Variants in DACT1 observed in about 807,000 individuals in gnomAD.
DACT1 encodes dishevelled binding antagonist of beta catenin 1.
DACT1 carries 19 observed loss-of-function variants against 35.3 expected under a neutral mutation model. The observed-to-expected ratio is 0.54, with a 90% CI of 0.38 to 0.79. The LOEUF (loss-of-function observed/expected upper bound fraction) is 0.79, where lower values mean the gene tolerates loss of function less well. Ranked by LOEUF, DACT1 falls within the 30% of genes least tolerant of loss-of-function variation. DACT1 has a pLI of 0.00. For synonymous variants in DACT1, 545 were observed against 466.7 expected (o/e 1.17, Z -2.16); for missense variants, 1,143 against 1,057.5 (o/e 1.08, Z -1.12).
At chr14:58,634,803 G>T (rs910691988), upstream of DACT1, among the ~76,000 whole-genome samples, 1 of 152,208 alleles carries the variant, frequency 6.6e-6, no homozygotes, top group Admixed American at 6.5e-5. Flanking sequence ...TCAGACTTTG[G>T]TGGGGGTGCT....
chr14:58,641,124 G>C (rs137882790), intron 2 of DACT1, among the ~76,000 whole-genome samples: 1 of 152,114 alleles, frequency 6.6e-6, no homozygotes, highest in East Asian at 1.9e-4. Context: ...ATTTCTGCAA[G>C]AGGTGCCCTC....
rs145747677 is a variant in DACT1 at position 58,645,751 on chromosome 14, T to C, written c.1017T>C (p.Val339=). The C allele has an allele frequency of 1.3e-4, 216 of 1,614,210 alleles. 1 individual carries two copies. The African/African-American group carries it at 2.6e-3, about 19-fold the overall frequency. ...AAGGGCTTCTGAGGAACGGGAGCGT[T>C]TGTGTCAGAGCCCCGGGCGGTGTCT... The part of the protein sequence containing the change: ...PTKGLLRNGS[V]CVRAPGGVSQ... Residue 339 remains valine (V), a synonymous_variant, in exon 4 of 4, where the codon GTT becomes GTC. Transcript: ENST00000395153.
rs778460376 is a variant in DACT1 at position 58,647,061 on chromosome 14, A to C, written c.2327A>C (p.Lys776Thr). 3.7e-6 allele frequency: 6 copies of C among 1,614,138 alleles called. No homozygotes were observed. The East Asian group carries it at 1.3e-4, about 36-fold the overall frequency. The change falls in exon 4 of 4, where the codon AAG becomes ACG. Residue 776 changes from lysine to threonine, a missense_variant. By Grantham distance (78) the Lys-to-Thr change is moderately conservative. Coordinates refer to ENST00000395153, the MANE Select transcript of DACT1 (RefSeq NM_001079520.2). ...CCCGCAAAAACCTTTGTCAAAATTA[A>C]GGCCTCACATAACCTCAAGAAGAAG... ...NHPAKTFVKI[K>T]ASHNLKKKIL...
In DACT1 at chr14:58,638,559, C is replaced by A; in HGVS notation, c.345+12C>A. 1 of 1,333,154 alleles carries A rather than the reference C, an allele frequency of 7.5e-7. No homozygotes were observed. The highest frequency in any genetic ancestry group is 9.7e-7 in the Non-Finnish European group (1 of 1,034,828). The allele number at this position is 1,333,154 out of a possible 1,614,324, so 82.6% of individuals were successfully genotyped here. A position where few individuals can be genotyped will look rare whatever the true frequency, so the allele number is the denominator to read the frequency against. On this transcript the variant is annotated intron_variant, in intron 1 of 3. Coordinates refer to ENST00000395153, the MANE Select transcript of DACT1 (RefSeq NM_001079520.2). ...TAAGAAAGCAATTGGTAGGTCGTGC[C>A]CGAAGGTGGAGCACGGCTGTTCCTG...
At position 58,647,165 on chromosome 14, in the gene DACT1, T is replaced by TG. The variant is rs780394867; in HGVS notation, c.*31_*32insG. On this transcript the variant is annotated 3_prime_UTR_variant, in exon 4 of 4. Transcript: ENST00000395153. ...ATCATTGGTGTAGAAAGTTTGTGTG[T>TG]TTTTTTTTCTTCTCCCTAGTTGCCA... The TG allele has an allele frequency of 1.1e-5, 17 of 1,584,244 alleles. No individual in the cohort carries two copies. Among genetic ancestry groups the TG allele is most frequent in the Middle Eastern group, 1.7e-4 (1 of 5,896 alleles).
At position 58,646,596 on chromosome 14, in the gene DACT1, A is replaced by C. The variant is rs199878465; in HGVS notation, c.1862A>C (p.His621Pro). 1 of 1,592,062 alleles carries C rather than the reference A, an allele frequency of 6.3e-7. No individual in the cohort carries two copies. The highest frequency in any genetic ancestry group is 1.1e-5 in the South Asian group (1 of 88,628). Residue 621 changes from histidine (H) to proline (P), a missense_variant, in exon 4 of 4, where the codon CAT becomes CCT. Coordinates refer to ENST00000395153, the MANE Select transcript of DACT1 (RefSeq NM_001079520.2). ...GGCCACAGGGCGGGGAGCAGGGCGCATGGCCACGGACGGGAGGCGGTGGTG... is the reference window on the plus strand; with the variant it reads ...GGCCACAGGGCGGGGAGCAGGGCGCCTGGCCACGGACGGGAGGCGGTGGTG... ...GGGHRAGSRA[H>P]GHGREAVVAK...
In DACT1 at chr14:58,648,164, A is replaced by G. The variant is rs919324222; in HGVS notation, c.*1030A>G. The G allele has an allele frequency of 1.8e-5, 3 of 167,052 alleles. No homozygotes were observed. Among genetic ancestry groups the G allele is most frequent in the African/African-American group, 7.2e-5 (3 of 41,428 alleles). The allele number at this position is 167,052 out of a possible 1,614,324, so 10.3% of individuals were successfully genotyped here. A position where few individuals can be genotyped will look rare whatever the true frequency, so the allele number is the denominator to read the frequency against. On this transcript the variant is annotated 3_prime_UTR_variant, in exon 4 of 4. Coordinates refer to ENST00000395153, the MANE Select transcript of DACT1 (RefSeq NM_001079520.2). ...TTGTGCATGAGTAGTACTTGTGTTG[A>G]TACTCCTGTTGATGTTAAATTACTA...
intron 2 of DACT1, 73 bp from the exon 3 acceptor site, chr14:58,641,519 C>A: frequency 6.8e-7 from 1 of 1,481,478 alleles, no homozygotes; most frequent in Non-Finnish European, 9.2e-7. Context: ...AATGATTATT[C>A]ATTTTCCTGT....
chr14:58,638,356 C>G lies in DACT1; in HGVS notation c.154C>G (p.Leu52Val), dbSNP rs2047593809. The change falls in exon 1 of 4, where the codon CTG (leucine) becomes GTG (valine). Residue 52 changes from leucine to valine, a missense_variant. Coordinates refer to ENST00000395153, the MANE Select transcript of DACT1 (RefSeq NM_001079520.2). ...QRTRERQEATLAGLAELEYLR... is the reference protein window; with the variant it reads ...QRTRERQEATVAGLAELEYLR... The stretch of plus-strand genomic sequence containing the variant: ...CACCCGGGAGCGGCAGGAGGCCACG[C>G]TGGCCGGGCTGGCGGAGCTGGAGTA... 5 of 1,306,014 alleles carry G rather than the reference C, an allele frequency of 3.8e-6. No individual in the cohort carries two copies. The highest frequency in any genetic ancestry group is 4.8e-6 in the Non-Finnish European group (5 of 1,031,772). 80.9% of individuals were successfully genotyped at this position (1,306,014 alleles called of 1,614,324 possible).
intron 3 of DACT1, 89 bp downstream of exon 3, chr14:58,641,836 T>G: frequency 7.6e-7 from 1 of 1,310,594 alleles, no homozygotes; most frequent in South Asian, 1.4e-5. Context: ...CTTTCACTGG[T>G]GGAAAAATGA....
chr14:58,648,015 A>T lies in DACT1; in HGVS notation c.*881A>T, dbSNP rs1444006558. 6.0e-6 allele frequency: 1 copy of T among 167,094 alleles called. No individual in the cohort carries two copies. The highest frequency in any genetic ancestry group is 1.5e-5 in the Non-Finnish European group (1 of 68,124). The allele number at this position is 167,094 out of a possible 1,614,324, so 10.4% of individuals were successfully genotyped here. ...ATGCCACCGAAGCGTTGACCTGAAC[A>T]TATTAGTGCAATCCAGTCCAGATTG... is the stretch of plus-strand genomic sequence containing the variant. On this transcript the variant is annotated 3_prime_UTR_variant, in exon 4 of 4. Transcript: ENST00000395153.
At position 58,646,830 on chromosome 14, in the gene DACT1, C is replaced by G. The variant is rs780053919; in HGVS notation, c.2096C>G (p.Ser699Cys). 2.5e-6 allele frequency: 4 copies of G among 1,614,070 alleles called. No homozygotes were observed. The Admixed American group carries it at 6.7e-5, about 27-fold the overall frequency. Reference sequence around the variant, plus strand: ...GCCGAGTGCGAGTCCCTGTTCCACTCCACCGTGGTGGACACCAGTGAGGAC... The same window carrying G: ...GCCGAGTGCGAGTCCCTGTTCCACTGCACCGTGGTGGACACCAGTGAGGAC... ...YSAECESLFH[S>C]TVVDTSEDEQ... Residue 699 changes from serine (S) to cysteine (C), a missense_variant, in exon 4 of 4, where the codon TCC becomes TGC. This residue lies in a region of DACT1 where 1,054 missense variants were observed against 958.8 expected (regional missense o/e 1.10). Transcript: ENST00000395153.
At position 58,646,513 on chromosome 14, in the gene DACT1, G is replaced by T. The variant is rs201251394; in HGVS notation, c.1779G>T (p.Lys593Asn). 1,219 of 1,560,354 alleles carry T rather than the reference G, an allele frequency of 7.8e-4. 3 individuals are homozygous for T. The highest frequency in any genetic ancestry group is 1.5e-3 in the Middle Eastern group (9 of 5,940). ...AGAAACTCAAGAAAGCCTCCTCCAAGGGGAGGAAGAGTGGGGGCGGGCCCG... is the reference window on the plus strand; with the variant it reads ...AGAAACTCAAGAAAGCCTCCTCCAATGGGAGGAAGAGTGGGGGCGGGCCCG... ...TNKKLKKASS[K>N]GRKSGGGPEA... Residue 593 changes from lysine to asparagine, a missense_variant, in exon 4 of 4, where the codon AAG becomes AAT. Around this residue, in one of 3 missense-constraint regions of DACT1, gnomAD observed 1,054 missense variants for 958.8 expected, o/e 1.10. Transcript: ENST00000395153.
At chr14:58,641,939 G>C (rs986283767) in intron 3 of DACT1, among the ~76,000 whole-genome samples, 192 bp downstream of exon 3, 1 of 152,074 alleles carries the variant, frequency 6.6e-6, no homozygotes, top group Non-Finnish European at 1.5e-5. Flanking sequence ...GTACCCTTTG[G>C]GTGCTACTTG....
Position 58,646,727 on chromosome 14 carries a change from GTGGGGC to G in DACT1, c.1996_2001del (p.Gly666_Leu667del). 6.2e-7 allele frequency: 1 copy of G among 1,613,688 alleles called. No homozygotes were observed. Among genetic ancestry groups the G allele is most frequent in the Non-Finnish European group, 8.5e-7 (1 of 1,179,998 alleles). ...GGCCCGGCGCGGTCGCCGGGAGAATGTGGGGCTGTACCCCGCGCCTGTGCCTCTGCC... is the reference window on the plus strand; with the variant it reads ...GGCCCGGCGCGGTCGCCGGGAGAATGTGTACCCCGCGCCTGTGCCTCTGCC... On this transcript the variant is annotated inframe_deletion, in exon 4 of 4. Coordinates refer to ENST00000395153, the MANE Select transcript of DACT1 (RefSeq NM_001079520.2).
At position 58,638,328 on chromosome 14, in the gene DACT1, G is replaced by A; in HGVS notation, c.126G>A (p.Gln42=). The A allele has an allele frequency of 2.3e-6, 3 of 1,319,390 alleles. No homozygotes were observed. Among genetic ancestry groups the A allele is most frequent in the Non-Finnish European group, 2.9e-6 (3 of 1,039,974 alleles). 81.7% of individuals were successfully genotyped at this position (1,319,390 alleles called of 1,614,324 possible). The change falls in exon 1 of 4, where the codon CAG becomes CAA. Residue 42 remains glutamine, a synonymous_variant. Coordinates refer to ENST00000395153, the MANE Select transcript of DACT1 (RefSeq NM_001079520.2). ...REKGEADTER[Q]RTRERQEATL... ...AGGGCGAGGCAGACACCGAGCGGCA[G>A]CGCACCCGGGAGCGGCAGGAGGCCA...
chr14:58,640,588 T>A, intron 1 of DACT1, 148 bp from the exon 2 acceptor site: 1 of 801,734 alleles, frequency 1.2e-6, no homozygotes. Flanking sequence ...ATTCTCGAAG[T>A]TTTTCGTTAC....
At chr14:58,638,748 C>T (rs770910849) in intron 1 of DACT1, 21 of 1,189,086 alleles carry the variant, frequency 1.8e-5, no homozygotes, top group Non-Finnish European at 2.2e-5. Context: ...GCGTTTCTGG[C>T]GTGTGCCCGC....
intron 2 of DACT1, among the ~76,000 whole-genome samples, chr14:58,641,141 A>C (rs898365021): frequency 2.6e-5 from 4 of 152,198 alleles, no homozygotes; most frequent in Admixed American, 2.0e-4. Flanking sequence ...CCTCCTTTGA[A>C]ACTTGAGTAA....
Sources: allele counts gnomAD v4.1 joint callset (sites outside exome capture counted in the v4.1 genomes callset), GRCh38; gene constraint gnomAD v4.1.1; regional missense constraint gnomAD v4.1.1; transcripts MANE v1.5; gene names NCBI Gene and HGNC (gene_info 2026-07-23, HGNC 2026-07-21).